The following BIN1 variants were observed in gnomAD, a reference collection of about 807,000 sequenced individuals.
BIN1 encodes the protein myc box-dependent-interacting protein 1.
A neutral mutation model predicts 82.0 loss-of-function variants in BIN1; 53 were observed. That is an observed-to-expected ratio of 0.65 (90% CI 0.52 to 0.81). The LOEUF (loss-of-function observed/expected upper bound fraction) is 0.81, where lower values mean the gene tolerates loss of function less well. Ranked by LOEUF, BIN1 falls within the 40% of genes least tolerant of loss-of-function variation. BIN1 has a pLI of 0.00. For synonymous variants in BIN1, 302 were observed against 328.0 expected (o/e 0.92, Z 0.86); for missense variants, 642 against 784.4 (o/e 0.82, Z 2.17).
intron 2 of BIN1, 138 bp downstream of exon 2, chr2:127,076,488 A>G: frequency 1.0e-6 from 1 of 978,470 alleles, no homozygotes; most frequent in Non-Finnish European, 1.6e-6. Flanking sequence ...TCCTCTAGGA[A>G]GTCTTACATG....
chr2:127,086,803 G>C (rs1033886551), intron 1 of BIN1, among the ~76,000 whole-genome samples: 1 of 150,476 alleles, frequency 6.6e-6, no homozygotes, highest in African/African-American at 2.4e-5. Context: ...ACCGCGTCCA[G>C]ACAGTGATCC....
Position 127,076,650 on chromosome 2 carries a change from G to A in BIN1, c.141C>T (p.Cys47=), listed in dbSNP as rs747090652. 4.7e-5 allele frequency: 76 copies of A among 1,614,016 alleles called. No individual in the cohort carries two copies. Among genetic ancestry groups the A allele is most frequent in the Middle Eastern group, 1.6e-4 (1 of 6,084 alleles). ...CCAGCTGCTTGTTGAAATTCTGGAC[G>A]CACTGCTCAAACTGCTCATCCTTGG... ...DETKDEQFEQ[C]VQNFNKQLTE... The change falls in exon 2 of 19, where the codon TGC becomes TGT. Residue 47 remains cysteine (C), a synonymous_variant. Coordinates refer to ENST00000316724, the MANE Select transcript of BIN1 (RefSeq NM_139343.3).
chr2:127,056,823 G>A (rs868016050), intron 12 of BIN1, among the ~76,000 whole-genome samples: 4 of 152,236 alleles, frequency 2.6e-5, no homozygotes, highest in Non-Finnish European at 5.9e-5. Context: ...CATGAAGGAC[G>A]TAAGACCTGG....
intron 1 of BIN1, among the ~76,000 whole-genome samples, chr2:127,099,053 C>T: frequency 6.6e-6 from 1 of 152,204 alleles, no homozygotes; most frequent in Non-Finnish European, 1.5e-5. Context: ...GATCTGCACC[C>T]ACTAGCCTAG....
At chr2:127,065,458 C>T (rs756621672) in intron 7 of BIN1, among the ~76,000 whole-genome samples, 42 of 152,278 alleles carry the variant, frequency 2.8e-4, no homozygotes, top group Non-Finnish European at 5.0e-4. Flanking sequence ...TGTCCCATTA[C>T]CTGGCAGGGG....
At chr2:127,061,801 C>T (rs1434799505) in intron 10 of BIN1, among the ~76,000 whole-genome samples, 1 of 152,156 alleles carries the variant, frequency 6.6e-6, no homozygotes, top group East Asian at 1.9e-4. Context: ...CCCCAGTCCC[C>T]AAAGCTGAGC....
At chr2:127,086,753 G>A (rs1007338182) in intron 1 of BIN1, among the ~76,000 whole-genome samples, 8 of 151,872 alleles carry the variant, frequency 5.3e-5, no homozygotes, top group Admixed American at 1.3e-4. Context: ...TGATCCACCC[G>A]CCTCGACCTC....
intron 1 of BIN1, among the ~76,000 whole-genome samples, chr2:127,098,010 A>G (rs966133852): frequency 6.6e-6 from 1 of 152,070 alleles, no homozygotes; most frequent in African/African-American, 2.4e-5. Flanking sequence ...GCCCTCCCCA[A>G]CCCACAGTCC....
At chr2:127,102,974 A>C (rs1680545668) in intron 1 of BIN1, among the ~76,000 whole-genome samples, 1 of 152,174 alleles carries the variant, frequency 6.6e-6, no homozygotes, top group Non-Finnish European at 1.5e-5. Context: ...CAAGGACAGA[A>C]GGACAGAGAT....
chr2:127,077,909 G>T (rs1686820562), intron 1 of BIN1, among the ~76,000 whole-genome samples: 1 of 152,124 alleles, frequency 6.6e-6, no homozygotes, highest in Admixed American at 6.5e-5. Context: ...GGGGGTAGGG[G>T]ATGGGAGTGG....
At position 127,053,805 on chromosome 2, in the gene BIN1, C is replaced by T. The variant is rs138274544; in HGVS notation, c.1239+100G>A. The T allele has an allele frequency of 3.2e-3, 3,889 of 1,206,000 alleles. 116 individuals are homozygous for T. The highest frequency in any genetic ancestry group is 2.5e-4 in the Non-Finnish European group (213 of 837,732). The allele number at this position is 1,206,000 out of a possible 1,614,324, so 74.7% of individuals were successfully genotyped here. On this transcript the variant is annotated intron_variant, in intron 13 of 18. Coordinates refer to ENST00000316724, the MANE Select transcript of BIN1 (RefSeq NM_139343.3). ...TGAGGTGCCAGGGGAAGGGCAGTGA[C>T]CCAGGCCTAGCTGGGGTCACGTGGC...
At chr2:127,062,310 T>C in intron 9 of BIN1, 113 bp from the exon 10 acceptor site, 1 of 1,065,942 alleles carries the variant, frequency 9.4e-7, no homozygotes, top group Non-Finnish European at 1.4e-6. Context: ...AGGAACAAGC[T>C]CCTCTTTCCC....
chr2:127,064,460 G>A (rs1280980056), intron 7 of BIN1, among the ~76,000 whole-genome samples: 3 of 152,164 alleles, frequency 2.0e-5, no homozygotes, highest in East Asian at 1.9e-4. Context: ...AGCATCTGTC[G>A]CTGCCCCCAA....
chr2:127,105,469 C>T (rs1209822496), intron 1 of BIN1, among the ~76,000 whole-genome samples: 3 of 142,054 alleles, frequency 2.1e-5, no homozygotes, highest in Admixed American at 2.0e-4. Flanking sequence ...GCTTTAATCC[C>T]TCCTCCTCCT....
At chr2:127,069,909 T>A in intron 5 of BIN1, 86 bp downstream of exon 5, 1 of 1,422,686 alleles carries the variant, frequency 7.0e-7, no homozygotes, top group Non-Finnish European at 9.8e-7. Context: ...AGCCTCCTCC[T>A]GGCCTGAGCC....
intron 1 of BIN1, among the ~76,000 whole-genome samples, chr2:127,081,512 C>T (rs961547862): frequency 6.6e-6 from 1 of 152,136 alleles, no homozygotes; most frequent in Admixed American, 6.5e-5. Context: ...CACACACCCA[C>T]AGTCTGAATG....
chr2:127,054,015 T>C lies in BIN1; in HGVS notation c.1132-3A>G. On this transcript the variant is annotated splice_polypyrimidine_tract_variant and splice_region_variant and intron_variant, in intron 12 of 18. Transcript: ENST00000316724. ...GAGAAAGGCCCCGGGGCCTCAAACT[T>C]GGCAGCAGCAGCAGCAGCAGAGGAG... The C allele has an allele frequency of 6.5e-7, 1 of 1,550,288 alleles. No individual in the cohort carries two copies. The highest frequency in any genetic ancestry group is 8.7e-7 in the Non-Finnish European group (1 of 1,146,370).
At chr2:127,088,811 A>G (rs1678532316) in intron 1 of BIN1, among the ~76,000 whole-genome samples, 1 of 151,964 alleles carries the variant, frequency 6.6e-6, no homozygotes, top group African/African-American at 2.4e-5. Context: ...TTAGGAAGGA[A>G]CTCAGGGAAG....
At chr2:127,087,722 CGA>C (rs1197913276) in intron 1 of BIN1, among the ~76,000 whole-genome samples, 1 of 152,142 alleles carries the variant, frequency 6.6e-6, no homozygotes, top group Non-Finnish European at 1.5e-5. Context: ...GTGAGGAAAC[CGA>C]GAGTCCCATG....
Sources: gnomAD v4.1 joint callset for allele counts (sites outside exome capture counted in the v4.1 genomes callset) on GRCh38, gnomAD v4.1.1 for gene constraint, MANE v1.5 for transcripts, NCBI Gene and HGNC (gene_info 2026-07-23, HGNC 2026-07-21) for gene names.